The following GXYLT2 variants were observed in gnomAD, a reference collection of about 807,000 sequenced individuals.
GXYLT2 encodes glucoside xylosyltransferase 2.
Under a neutral mutation model 45.8 loss-of-function variants are expected in GXYLT2, and 53 were observed. The ratio of observed to expected loss-of-function variants is 1.16; its 90% CI spans 0.93 to 1.46. GXYLT2 has a LOEUF of 1.46. GXYLT2 is among the 40% of genes most tolerant of loss of function. The probability of loss-of-function intolerance (pLI) is 0.00; values close to 1 mark genes in which losing one functional copy is unlikely to be tolerated. For missense variants in GXYLT2, 551 were observed against 544.4 expected (o/e 1.01, Z -0.12); for synonymous variants, 219 against 214.2 (o/e 1.02, Z -0.19).
intron 2 of GXYLT2, among the ~76,000 whole-genome samples, chr3:72,917,757 CAAA>C (rs756537850): frequency 3.3e-5 from 2 of 60,174 alleles, no homozygotes; most frequent in Non-Finnish European, 3.6e-5. Flanking sequence ...GGCCCCATCT[CAAA>C]AAAAAAAAAA....
At chr3:72,937,473 A>G (rs533246035) in intron 3 of GXYLT2, among the ~76,000 whole-genome samples, 1 of 152,352 alleles carries the variant, frequency 6.6e-6, no homozygotes, top group South Asian at 2.1e-4. Flanking sequence ...CCAGGCTGCG[A>G]TCTTTAGGTT....
At chr3:72,970,570 G>A (rs895187462) in intron 6 of GXYLT2, among the ~76,000 whole-genome samples, 3 of 151,934 alleles carry the variant, frequency 2.0e-5, no homozygotes, top group African/African-American at 4.8e-5. Flanking sequence ...TCTGAAATTC[G>A]CAGAGTTGGC....
chr3:72,912,752 G>C (rs1048214963), intron 2 of GXYLT2, among the ~76,000 whole-genome samples: 6 of 152,132 alleles, frequency 3.9e-5, no homozygotes, highest in African/African-American at 1.4e-4. Flanking sequence ...AGCCTTCAAG[G>C]CTTCCAGCTG....
chr3:72,895,318 T>A (rs1709268231), intron 1 of GXYLT2, among the ~76,000 whole-genome samples: 1 of 152,202 alleles, frequency 6.6e-6, no homozygotes. Context: ...TTCTTGCCTT[T>A]CACTGGCTGT....
intron 6 of GXYLT2, among the ~76,000 whole-genome samples, chr3:72,971,585 T>A (rs1710985852): frequency 1.3e-5 from 2 of 152,188 alleles, no homozygotes; most frequent in Non-Finnish European, 1.5e-5. Context: ...ACAAGTGTTA[T>A]GAAAATTCAA....
chr3:72,948,708 G>A (rs1710458185), intron 3 of GXYLT2, among the ~76,000 whole-genome samples: 1 of 151,804 alleles, frequency 6.6e-6, no homozygotes, highest in South Asian at 2.1e-4. Flanking sequence ...GTGGTGGTGG[G>A]CGCCTGTAAT....
chr3:72,968,271 G>A (rs1416304124), intron 6 of GXYLT2, among the ~76,000 whole-genome samples: 2 of 152,198 alleles, frequency 1.3e-5, no homozygotes, highest in East Asian at 3.9e-4. Context: ...ACCTACTTTA[G>A]GAGGAAATTT....
At chr3:72,915,233 G>GT (rs369269979) in intron 2 of GXYLT2, among the ~76,000 whole-genome samples, 4 of 147,758 alleles carry the variant, frequency 2.7e-5, no homozygotes, top group Admixed American at 1.4e-4. Context: ...GTGAGGAGTT[G>GT]TTTTTTTTCC....
chr3:72,920,105 T>C lies in GXYLT2; in HGVS notation c.469-2099T>C, dbSNP rs547453509. Among the ~76,000 whole-genome samples, 4 of 152,190 alleles carry C rather than the reference T, an allele frequency of 2.6e-5. No homozygotes were observed. In the South Asian group the frequency reaches 8.3e-4, roughly 32 times the overall value. On this transcript the variant is annotated intron_variant, in intron 2 of 6. Transcript: ENST00000389617. Reference sequence around the variant, plus strand: ...CTTTTTTCTTGTTTGTTTTCATTGTTGTTCTTGTTTTTACTTTTTTTATTT... The same window carrying C: ...CTTTTTTCTTGTTTGTTTTCATTGTCGTTCTTGTTTTTACTTTTTTTATTT...
chr3:72,954,942 A>G (rs1575811191), intron 3 of GXYLT2, among the ~76,000 whole-genome samples, 156 bp from the exon 4 acceptor site: 1 of 152,338 alleles, frequency 6.6e-6, no homozygotes, highest in South Asian at 2.1e-4. Context: ...GAAGGAAGGA[A>G]TGGAAGCTAA....
chr3:72,937,912 C>T (rs1276761706), intron 3 of GXYLT2, among the ~76,000 whole-genome samples: 2 of 152,132 alleles, frequency 1.3e-5, no homozygotes, highest in Non-Finnish European at 2.9e-5. Flanking sequence ...ACACACTTTA[C>T]TCATTTATTT....
intron 3 of GXYLT2, among the ~76,000 whole-genome samples, chr3:72,952,368 G>A (rs1324893076): frequency 6.6e-6 from 1 of 152,006 alleles, no homozygotes; most frequent in Non-Finnish European, 1.5e-5. Flanking sequence ...CATTTTATTG[G>A]TTTGCAACAT....
At chr3:72,958,413 CTT>C (rs1342194994) in intron 5 of GXYLT2, among the ~76,000 whole-genome samples, 1 of 127,640 alleles carries the variant, frequency 7.8e-6, no homozygotes, top group East Asian at 4.0e-4. Flanking sequence ...TTCAGAAAGA[CTT>C]TGCCTGTGTT....
chr3:72,894,787 AT>A (rs1224993668), intron 1 of GXYLT2, among the ~76,000 whole-genome samples: 6 of 152,144 alleles, frequency 3.9e-5, no homozygotes, highest in Non-Finnish European at 8.8e-5. Flanking sequence ...TGAAAACGCT[AT>A]AATATGTAAA....
intron 5 of GXYLT2, among the ~76,000 whole-genome samples, chr3:72,958,620 C>T (rs1478553875): frequency 6.9e-6 from 1 of 143,934 alleles, no homozygotes; most frequent in Non-Finnish European, 1.5e-5. Flanking sequence ...CTTAGCTGTT[C>T]ACTTGTGGCT....
intron 1 of GXYLT2, among the ~76,000 whole-genome samples, chr3:72,895,878 A>G (rs1242978175): frequency 1.3e-5 from 2 of 152,232 alleles, no homozygotes; most frequent in African/African-American, 2.4e-5. Flanking sequence ...TCTTTTAGCA[A>G]CATGAGAGAC....
At chr3:72,939,684 C>CTT (rs34955124) in intron 3 of GXYLT2, among the ~76,000 whole-genome samples, 62 of 139,272 alleles carry the variant, frequency 4.5e-4, no homozygotes, top group Admixed American at 4.4e-4. Flanking sequence ...CTTTTCTTTC[C>CTT]TTTTTTTTTT....
chr3:72,908,063 A>T (rs1050449625), intron 1 of GXYLT2: 10 of 249,496 alleles, frequency 4.0e-5, no homozygotes, highest in African/African-American at 1.3e-4. Context: ...TAGCAATACT[A>T]TTTCCAAACA....
At chr3:72,944,002 G>A (rs1219438749) in intron 3 of GXYLT2, among the ~76,000 whole-genome samples, 2 of 152,018 alleles carry the variant, frequency 1.3e-5, no homozygotes, top group Non-Finnish European at 2.9e-5. Flanking sequence ...CATTTCTTTA[G>A]TTATAATTTG....
Sources: allele counts gnomAD v4.1 joint callset (sites outside exome capture counted in the v4.1 genomes callset), GRCh38; gene constraint gnomAD v4.1.1; transcripts MANE v1.5; gene names NCBI Gene and HGNC (gene_info 2026-07-23, HGNC 2026-07-21).